The following DPH6 variants were observed in gnomAD, a reference collection of about 807,000 sequenced individuals.
The protein encoded by DPH6 is diphthine--ammonia ligase.
Under a neutral mutation model 38.2 loss-of-function variants are expected in DPH6, and 33 were observed. The observed-to-expected ratio is 0.86, with a 90% confidence interval of 0.65 to 1.15. The LOEUF (loss-of-function observed/expected upper bound fraction) is 1.15. DPH6 is among the 50% of genes most tolerant of loss of function. The pLI is 0.00. For missense variants in DPH6, 325 were observed against 320.0 expected (o/e 1.02, Z -0.12); for synonymous variants, 108 against 103.0 (o/e 1.05, Z -0.30).
intron 3 of DPH6, among the ~76,000 whole-genome samples, chr15:35,355,250 CTG>C (rs1394747018): frequency 6.6e-6 from 1 of 152,132 alleles, no homozygotes; most frequent in African/African-American, 2.4e-5. Flanking sequence ...ATTTGCCAGT[CTG>C]TGTCTTCTAA....
At chr15:35,538,687 AT>A (rs1457172780) in intron 2 of DPH6, among the ~76,000 whole-genome samples, 1 of 152,186 alleles carries the variant, frequency 6.6e-6, no homozygotes, top group Non-Finnish European at 1.5e-5. Flanking sequence ...TCTACTACTA[AT>A]TACAAATACA....
chr15:35,372,069 T>C lies in DPH6; in HGVS notation c.*81A>G. The stretch of plus-strand genomic sequence containing the variant: ...TAAGAGTCATGAGAAAAAAATAAAC[T>C]AGTCATAGTAACTGAGAAAATACTA... On this transcript the variant is annotated 3_prime_UTR_variant, in exon 9 of 9. Coordinates refer to ENST00000256538, the MANE Select transcript of DPH6 (RefSeq NM_080650.4). The C allele has an allele frequency of 6.9e-7, 1 of 1,458,578 alleles. No individual in the cohort carries two copies. Among genetic ancestry groups the C allele is most frequent in the Non-Finnish European group, 9.0e-7 (1 of 1,110,082 alleles). 90.4% of individuals were successfully genotyped at this position (1,458,578 alleles called of 1,614,324 possible). A position where few individuals can be genotyped will look rare whatever the true frequency, so the allele number is the denominator to read the frequency against.
intron 3 of DPH6, among the ~76,000 whole-genome samples, chr15:35,491,498 A>T (rs1595412008): frequency 6.6e-6 from 1 of 151,674 alleles, no homozygotes; most frequent in Admixed American, 6.6e-5. Flanking sequence ...GTTAACACAA[A>T]TATAAGGTTA....
chr15:35,338,116 C>A (rs1468709069), intron 3 of DPH6, among the ~76,000 whole-genome samples: 2 of 152,170 alleles, frequency 1.3e-5, no homozygotes, highest in Non-Finnish European at 2.9e-5. Context: ...AGGACATAGG[C>A]ATGGGCAAGG....
intron 5 of DPH6, among the ~76,000 whole-genome samples, chr15:35,436,258 A>C (rs2053700590): frequency 1.3e-5 from 2 of 151,664 alleles, no homozygotes; most frequent in South Asian, 4.2e-4. Context: ...CGAGGTCAGG[A>C]GATCAAGACC....
intron 6 of DPH6, among the ~76,000 whole-genome samples, chr15:35,395,555 T>C (rs898060227): frequency 2.0e-5 from 3 of 152,192 alleles, no homozygotes; most frequent in African/African-American, 7.2e-5. Flanking sequence ...AATTTCTTTG[T>C]TGTCCTTGAA....
chr15:35,463,148 G>A (rs991040346), intron 3 of DPH6, among the ~76,000 whole-genome samples: 1 of 151,932 alleles, frequency 6.6e-6, no homozygotes, highest in African/African-American at 2.4e-5. Context: ...GAGTATGTGC[G>A]TGTGTGTGTG....
intron 5 of DPH6, among the ~76,000 whole-genome samples, chr15:35,416,014 C>T (rs1566901772): frequency 1.3e-5 from 2 of 151,936 alleles, no homozygotes; most frequent in Non-Finnish European, 2.9e-5. Context: ...GTATATGCTG[C>T]TATGATTCAT....
At chr15:35,388,148 T>C (rs1337218496) in intron 6 of DPH6, among the ~76,000 whole-genome samples, 1 of 152,240 alleles carries the variant, frequency 6.6e-6, no homozygotes, top group African/African-American at 2.4e-5. Context: ...TTACATTTAT[T>C]GATTTTCATA....
intron 5 of DPH6, among the ~76,000 whole-genome samples, chr15:35,450,340 C>A (rs1261254716): frequency 1.3e-5 from 2 of 150,152 alleles, no homozygotes; most frequent in Non-Finnish European, 3.0e-5. Flanking sequence ...CAAAACAAAA[C>A]AAAAATAACC....
chr15:35,190,882 G>A, the DPH6 span, among the ~76,000 whole-genome samples: 1 of 152,122 alleles, frequency 6.6e-6, no homozygotes, highest in African/African-American at 2.4e-5. Context: ...TTATTTTCTT[G>A]GTTATCATTT....
At chr15:35,183,110 C>T in the DPH6 span, among the ~76,000 whole-genome samples, 134 of 152,312 alleles carry the variant, frequency 8.8e-4, 1 homozygote, top group African/African-American at 3.2e-3. Context: ...ATCTCCCTTG[C>T]TGATACCTTT....
At chr15:35,368,467 G>A (rs1033388196), downstream of DPH6, among the ~76,000 whole-genome samples, 13 of 151,836 alleles carry the variant, frequency 8.6e-5, no homozygotes, top group African/African-American at 3.1e-4. Context: ...TTTGTGCAGG[G>A]AGTCATACAC....
chr15:35,376,281 TTTG>T (rs2052779536), intron 7 of DPH6, among the ~76,000 whole-genome samples: 2 of 152,304 alleles, frequency 1.3e-5, no homozygotes, highest in South Asian at 4.1e-4. Context: ...ACAGTTAAAC[TTTG>T]TTAAGTATCC....
At chr15:35,338,006 C>T (rs917309787) in intron 3 of DPH6, among the ~76,000 whole-genome samples, 4 of 151,810 alleles carry the variant, frequency 2.6e-5, no homozygotes, top group African/African-American at 9.7e-5. Context: ...GGATCCCTTC[C>T]TTACACCTTA....
At chr15:35,169,745 GTTA>G in the DPH6 span, 2 of 152,064 alleles carry the variant, frequency 1.3e-5, no homozygotes, top group Admixed American at 6.6e-5. Flanking sequence ...GGACATAACT[GTTA>G]TTATGTTGTT....
At chr15:35,173,607 G>A in the DPH6 span, among the ~76,000 whole-genome samples, 2 of 150,930 alleles carry the variant, frequency 1.3e-5, no homozygotes, top group African/African-American at 4.9e-5. Context: ...CTGGTCTAAT[G>A]TCCAAACTTC....
chr15:35,493,952 G>T lies in DPH6; in HGVS notation c.313-39132C>A, dbSNP rs77698249. 3.1e-3 allele frequency among the ~76,000 whole-genome samples: 471 copies of T among 152,082 alleles called. 3 individuals are homozygous for T. In the East Asian group the frequency reaches 0.035, roughly 11 times the overall value. On this transcript the variant is annotated intron_variant, in intron 3 of 8. Transcript: ENST00000256538. ...AAATTAAAGACTTATATCCCAGCAC[G>T]TACAATATAGCCTTCCAGAGCAGAC...
the DPH6 span, chr15:35,181,968 G>A: frequency 6.6e-6 from 1 of 151,128 alleles, no homozygotes; most frequent in African/African-American, 2.4e-5. Context: ...TTAGTAAAAT[G>A]ATTGTCTTTC....
Sources: allele counts gnomAD v4.1 joint callset (sites outside exome capture counted in the v4.1 genomes callset), GRCh38; gene constraint gnomAD v4.1.1; transcripts MANE v1.5; gene names NCBI Gene and HGNC (gene_info 2026-07-23, HGNC 2026-07-21).